The following BTG4 variants were observed in gnomAD, a reference collection of about 807,000 sequenced individuals.
BTG4 encodes BTG anti-proliferation factor 4, also known as protein BTG4.
A neutral mutation model predicts 19.3 loss-of-function variants in BTG4; 10 were observed. The ratio of observed to expected loss-of-function variants is 0.52; its 90% CI spans 0.32 to 0.88. The LOEUF (loss-of-function observed/expected upper bound fraction) is 0.88. Among genes scored for constraint, BTG4 ranks in the 40% least tolerant of loss-of-function variants. BTG4 has a pLI of 0.04. For missense variants in BTG4, 238 were observed against 281.9 expected (o/e 0.84, Z 1.11); for synonymous variants, 91 against 95.7 (o/e 0.95, Z 0.29).
chr11:111,484,144 G>A (rs1355210963), intron 5 of BTG4, among the ~76,000 whole-genome samples: 2 of 151,894 alleles, frequency 1.3e-5, no homozygotes, highest in Non-Finnish European at 2.9e-5. Context: ...CAAACATGAA[G>A]GAGAAATACT....
chr11:111,411,020 C>T, the BTG4 span, among the ~76,000 whole-genome samples: 7 of 152,218 alleles, frequency 4.6e-5, no homozygotes, highest in African/African-American at 1.7e-4. Flanking sequence ...AAGCTATCAT[C>T]ATTTCTACCC....
downstream of BTG4, among the ~76,000 whole-genome samples, chr11:111,490,989 A>G (rs1390136397): frequency 6.6e-6 from 1 of 152,244 alleles, no homozygotes; most frequent in Non-Finnish European, 1.5e-5. Flanking sequence ...GTTCTTTGAC[A>G]GGTAAATGGC....
chr11:111,395,039 A>G, the BTG4 span, among the ~76,000 whole-genome samples: 3 of 152,300 alleles, frequency 2.0e-5, no homozygotes. Flanking sequence ...TGAGGTGACT[A>G]AGGAAGAAGG....
downstream of BTG4, among the ~76,000 whole-genome samples, chr11:111,491,454 T>C (rs1619694): frequency 0.87 from 132,405 of 152,164 alleles, 59,256 homozygotes; most frequent in East Asian, 1. Context: ...AAAAATTTTT[T>C]TAAAAAGAGA....
At chr11:111,456,503 G>C in the BTG4 span, 1 of 456,426 alleles carries the variant, frequency 2.2e-6, no homozygotes, top group Non-Finnish European at 4.4e-6. This position sits in a 1 kb window ranked among gnomAD's most constrained non-coding sequence, Gnocchi z 4.2. Context: ...GGCAATGATT[G>C]CTTTCCTGCA....
At chr11:111,412,971 C>T in the BTG4 span, among the ~76,000 whole-genome samples, 1 of 152,138 alleles carries the variant, frequency 6.6e-6, no homozygotes, top group East Asian at 1.9e-4. Context: ...AGTCTTGTGA[C>T]ACTAGACCAG....
chr11:111,385,566 A>C, the BTG4 span: 1 of 151,988 alleles, frequency 6.6e-6, no homozygotes, highest in South Asian at 2.1e-4. Context: ...CTAATACATC[A>C]TGATATAATA....
At position 111,489,111 on chromosome 11, in the gene BTG4, C is replaced by T. The variant is rs138601342; in HGVS notation, c.662+6052G>A. Among the ~76,000 whole-genome samples, 419 of 151,740 alleles carry T rather than the reference C, an allele frequency of 2.8e-3. 1 individual carries two copies. Among genetic ancestry groups the T allele is most frequent in the African/African-American group, 9.3e-3 (386 of 41,384 alleles). On this transcript the variant is annotated intron_variant, in intron 5 of 5. Coordinates refer to the BTG4 transcript ENST00000356018. ...CGAACTGAGGTCATGCCATTGCACT[C>T]CAGCCTGGGCAACAAGAGTGAAACT...
intron 1 of BTG4, among the ~76,000 whole-genome samples, chr11:111,504,718 C>T (rs1358188939): frequency 6.6e-6 from 1 of 151,922 alleles, no homozygotes; most frequent in East Asian, 1.9e-4. Flanking sequence ...ACCTAGAAAA[C>T]CCTAAAGACT....
the BTG4 span, chr11:111,453,442 G>T: frequency 4.4e-6 from 2 of 456,576 alleles, no homozygotes; most frequent in Non-Finnish European, 8.8e-6. Context: ...GGCTCGGAAG[G>T]CTGCTCCCCA....
At chr11:111,455,790 C>A in the BTG4 span, 2 of 455,156 alleles carry the variant, frequency 4.4e-6, no homozygotes, top group Non-Finnish European at 8.9e-6. Flanking sequence ...TGCTGGGCCA[C>A]CTGTCCCAGG....
the BTG4 span, chr11:111,450,502 C>T: frequency 6.6e-6 from 1 of 152,594 alleles, no homozygotes; most frequent in Admixed American, 6.5e-5. Flanking sequence ...GGACCACACA[C>T]ATGCAAGCCT....
At chr11:111,404,245 G>A in the BTG4 span, among the ~76,000 whole-genome samples, 1 of 152,192 alleles carries the variant, frequency 6.6e-6, no homozygotes, top group Non-Finnish European at 1.5e-5. Context: ...GGAACTGTGA[G>A]TCCATTAAAC....
chr11:111,413,251 C>T, the BTG4 span, among the ~76,000 whole-genome samples: 1 of 152,218 alleles, frequency 6.6e-6, no homozygotes, highest in African/African-American at 2.4e-5. Flanking sequence ...TCCTTTTATA[C>T]CTTGCTACTT....
the BTG4 span, chr11:111,455,459 C>T: frequency 4.3e-6 from 1 of 233,808 alleles, no homozygotes; most frequent in Non-Finnish European, 8.9e-6. Context: ...AGTACGCAGC[C>T]AGCCTTCGTC....
At chr11:111,405,138 G>A in the BTG4 span, among the ~76,000 whole-genome samples, 7 of 152,170 alleles carry the variant, frequency 4.6e-5, no homozygotes, top group African/African-American at 1.7e-4. Flanking sequence ...AGGCGCGGTG[G>A]CTCATGCCTG....
chr11:111,475,154 T>A (rs1864325916), intron 5 of BTG4: 1 of 152,634 alleles, frequency 6.6e-6, no homozygotes. Flanking sequence ...AGGTCTTAAA[T>A]ACATCACTAC....
the BTG4 span, among the ~76,000 whole-genome samples, chr11:111,436,801 C>T: frequency 6.6e-6 from 1 of 152,292 alleles, no homozygotes; most frequent in East Asian, 1.9e-4. Flanking sequence ...CTCCAGTCCA[C>T]ACACCCAGGC....
the BTG4 span, among the ~76,000 whole-genome samples, chr11:111,440,430 G>T: frequency 1.3e-4 from 20 of 152,302 alleles, no homozygotes; most frequent in Middle Eastern, 3.4e-3. Flanking sequence ...AGAGTTTCCT[G>T]GTCCCAATGT....
Sources: allele counts gnomAD v4.1 joint callset (sites outside exome capture counted in the v4.1 genomes callset), GRCh38; gene constraint gnomAD v4.1.1; non-coding constraint Gnocchi (gnomAD v3.1); transcripts MANE v1.5; gene names NCBI Gene and HGNC (gene_info 2026-07-23, HGNC 2026-07-21).